The following PDE1C variants were observed in gnomAD, a reference collection of about 807,000 sequenced individuals.
PDE1C encodes the protein phosphodiesterase 1C, also known as dual specificity calcium/calmodulin-dependent 3',5'-cyclic nucleotide phosphodiesterase 1C.
PDE1C carries 62 observed loss-of-function variants against 93.1 expected under a neutral mutation model. That is an observed-to-expected ratio of 0.67 (90% CI 0.54 to 0.82). The LOEUF (loss-of-function observed/expected upper bound fraction) is 0.82, where lower values mean the gene tolerates loss of function less well. PDE1C is among the 40% of genes least tolerant of loss of function. The pLI is 0.00. For missense variants in PDE1C, 742 were observed against 884.6 expected (o/e 0.84, Z 2.04); for synonymous variants, 325 against 310.1 (o/e 1.05, Z -0.50).
At chr7:32,206,001 C>G (rs1456153161) in intron 2 of PDE1C, among the ~76,000 whole-genome samples, 1 of 152,170 alleles carries the variant, frequency 6.6e-6, no homozygotes, top group African/African-American at 2.4e-5. Flanking sequence ...GACCAAGAAC[C>G]CACCAGAAGA....
intron 14 of PDE1C, among the ~76,000 whole-genome samples, chr7:31,821,460 T>C (rs1467865270): frequency 2.0e-5 from 3 of 152,282 alleles, no homozygotes; most frequent in Admixed American, 6.5e-5. Context: ...TTGTCAGAAA[T>C]TGAATTTTCA....
chr7:32,178,250 G>A (rs949817625), intron 2 of PDE1C, among the ~76,000 whole-genome samples: 2 of 152,064 alleles, frequency 1.3e-5, no homozygotes, highest in Non-Finnish European at 2.9e-5. Flanking sequence ...GATCACCATG[G>A]GCCTCTGCCA....
chr7:31,911,620 C>CT (rs1801260061), intron 2 of PDE1C, among the ~76,000 whole-genome samples: 1 of 152,166 alleles, frequency 6.6e-6, no homozygotes, highest in Admixed American at 6.6e-5. Flanking sequence ...GCCTGGGAGG[C>CT]TTCCCTTTGG....
chr7:31,956,952 T>G (rs1297075939), intron 2 of PDE1C, among the ~76,000 whole-genome samples: 4 of 151,944 alleles, frequency 2.6e-5, no homozygotes, highest in African/African-American at 7.3e-5. Context: ...ATATAAATAT[T>G]CTTCCTAATA....
chr7:31,875,854 C>T (rs1396889183), intron 5 of PDE1C, among the ~76,000 whole-genome samples: 1 of 98,702 alleles, frequency 1.0e-5, no homozygotes, highest in African/African-American at 3.9e-5. Flanking sequence ...AGTAAAATAA[C>T]ATAATGCAAC....
At chr7:31,804,023 T>G (rs1786454605) in intron 16 of PDE1C, among the ~76,000 whole-genome samples, 1 of 151,802 alleles carries the variant, frequency 6.6e-6, no homozygotes, top group Non-Finnish European at 1.5e-5. Flanking sequence ...GGGCTTTTTC[T>G]TTATTGTGGG....
the PDE1C span, chr7:31,652,008 G>A: frequency 6.2e-7 from 1 of 1,605,118 alleles, no homozygotes; most frequent in Non-Finnish European, 8.5e-7. Context: ...TGGAATTTCA[G>A]TTAGGAGACC....
chr7:32,232,151 A>C (rs1229564643), intron 1 of PDE1C, among the ~76,000 whole-genome samples: 1 of 152,128 alleles, frequency 6.6e-6, no homozygotes, highest in Non-Finnish European at 1.5e-5. Flanking sequence ...GGGAAAAAAA[A>C]CAGAATTTGA....
chr7:32,413,201 T>G (rs776730255), intron 1 of PDE1C, among the ~76,000 whole-genome samples: 6 of 152,172 alleles, frequency 3.9e-5, no homozygotes, highest in Non-Finnish European at 8.8e-5. Context: ...CACCTGCAAC[T>G]TAATTTTAAA....
chr7:31,880,847 C>T lies in PDE1C; in HGVS notation c.142G>A (p.Val48Ile). Residue 48 changes from valine to isoleucine, a missense_variant, in exon 3 of 18, where the codon GTC becomes ATC. Physicochemically the swap from Val to Ile is conservative, Grantham distance 29. This residue lies in a region of PDE1C where 74 missense variants were observed against 88.2 expected (regional missense o/e 0.84). Coordinates refer to ENST00000396191, the MANE Select transcript of PDE1C (RefSeq NM_001191057.4). ...KKTSQRLRSLVKQLERGEASV... is the reference protein window; with the variant it reads ...KKTSQRLRSLIKQLERGEASV... ...GCTTCCCCTCTCTCTAATTGTTTGA[C>T]CAAAGACCGTAATCTAGAAAAATAA... 4 of 1,599,050 alleles carry T rather than the reference C, an allele frequency of 2.5e-6. No homozygotes were observed. The highest frequency in any genetic ancestry group is 1.7e-4 in the Middle Eastern group (1 of 6,030).
chr7:32,407,141 G>A (rs773450542), intron 1 of PDE1C, among the ~76,000 whole-genome samples: 5 of 150,206 alleles, frequency 3.3e-5, no homozygotes, highest in African/African-American at 4.9e-5. Flanking sequence ...GGGGTGTAGT[G>A]GTGGGCGCCT....
At chr7:32,319,743 C>T (rs1419611991) in intron 1 of PDE1C, among the ~76,000 whole-genome samples, 1 of 152,214 alleles carries the variant, frequency 6.6e-6, no homozygotes, top group African/African-American at 2.4e-5. Context: ...CACTTTTCTT[C>T]TTCCCAACAG....
At chr7:31,631,073 T>A in the PDE1C span, among the ~76,000 whole-genome samples, 1 of 152,202 alleles carries the variant, frequency 6.6e-6, no homozygotes, top group Non-Finnish European at 1.5e-5. Context: ...TTAAAAGTTT[T>A]TAAAAAGTTT....
intron 2 of PDE1C, among the ~76,000 whole-genome samples, chr7:32,171,089 A>T (rs1223510382): frequency 4.6e-5 from 7 of 152,184 alleles, no homozygotes; most frequent in African/African-American, 9.7e-5. Flanking sequence ...GACTGACACC[A>T]GTGCTTCCCC....
chr7:32,211,372 T>G (rs1217883568), intron 1 of PDE1C, among the ~76,000 whole-genome samples: 1 of 152,188 alleles, frequency 6.6e-6, no homozygotes, highest in East Asian at 1.9e-4. Flanking sequence ...TGAATATAAA[T>G]AATTCACATT....
At chr7:32,181,104 A>C (rs1803376193) in intron 2 of PDE1C, among the ~76,000 whole-genome samples, 1 of 152,118 alleles carries the variant, frequency 6.6e-6, no homozygotes, top group African/African-American at 2.4e-5. Context: ...TCATATATTA[A>C]AAACTTATAT....
At chr7:31,969,741 C>A (rs2129047007) in intron 2 of PDE1C, among the ~76,000 whole-genome samples, 1 of 152,234 alleles carries the variant, frequency 6.6e-6, no homozygotes, top group East Asian at 1.9e-4. Context: ...TGGAACCAAC[C>A]CAAATGCCCA....
chr7:31,923,848 A>C (rs1802979575), intron 2 of PDE1C, among the ~76,000 whole-genome samples: 2 of 152,188 alleles, frequency 1.3e-5, no homozygotes, highest in Non-Finnish European at 2.9e-5. Context: ...ATAATAAAAG[A>C]AGTGGGATTT....
chr7:32,254,247 G>A (rs1395715563), intron 1 of PDE1C, among the ~76,000 whole-genome samples: 2 of 152,180 alleles, frequency 1.3e-5, no homozygotes, highest in African/African-American at 4.8e-5. Flanking sequence ...GAAACAACAG[G>A]ATGAGACTCT....
Sources: gnomAD v4.1 joint callset for allele counts (sites outside exome capture counted in the v4.1 genomes callset) on GRCh38, gnomAD v4.1.1 for gene constraint, gnomAD v4.1.1 regional missense constraint, MANE v1.5 for transcripts, NCBI Gene and HGNC (gene_info 2026-07-23, HGNC 2026-07-21) for gene names.